The following MOB3B variants were observed in gnomAD, a reference collection of about 807,000 sequenced individuals.
MOB3B encodes MOB kinase activator-like 2B.
Under a neutral mutation model 18.7 loss-of-function variants are expected in MOB3B, and 7 were observed. The observed-to-expected ratio is 0.37, with a 90% CI of 0.21 to 0.70. The LOEUF (loss-of-function observed/expected upper bound fraction) is 0.70. Among genes scored for constraint, MOB3B ranks in the 30% least tolerant of loss-of-function variants. The pLI is 0.52. For missense variants in MOB3B, 253 were observed against 281.3 expected (o/e 0.90, Z 0.72); for synonymous variants, 111 against 99.9 (o/e 1.11, Z -0.66).
chr9:27,440,590 G>A (rs1822579270), intron 2 of MOB3B, among the ~76,000 whole-genome samples: 1 of 152,080 alleles, frequency 6.6e-6, no homozygotes, highest in African/African-American at 2.4e-5. Flanking sequence ...ACTCTCTAAT[G>A]TATGGCACAA....
intron 1 of MOB3B, among the ~76,000 whole-genome samples, chr9:27,511,313 C>T (rs894152165): frequency 2.0e-5 from 3 of 151,934 alleles, no homozygotes; most frequent in South Asian, 4.2e-4. Context: ...GCCTTTAGTT[C>T]GGTGTGAACT....
intron 1 of MOB3B, among the ~76,000 whole-genome samples, chr9:27,522,420 CATATAT>C (rs66472709): frequency 0.099 from 14,021 of 141,282 alleles, 859 homozygotes; most frequent in Non-Finnish European, 0.13. Flanking sequence ...GACATTTTTT[CATATAT>C]ATATATATAT....
chr9:27,341,219 G>C (rs1820936359), intron 3 of MOB3B, among the ~76,000 whole-genome samples: 1 of 152,188 alleles, frequency 6.6e-6, no homozygotes, highest in Non-Finnish European at 1.5e-5. Flanking sequence ...AAGCTTAATG[G>C]GGGCAACTCT....
intron 3 of MOB3B, among the ~76,000 whole-genome samples, chr9:27,341,533 T>C (rs1005581665): frequency 6.6e-6 from 1 of 152,230 alleles, no homozygotes; most frequent in Non-Finnish European, 1.5e-5. Flanking sequence ...GTTATTTTGA[T>C]GGAGTAAATA....
chr9:27,365,340 T>C (rs1219722504), intron 2 of MOB3B, among the ~76,000 whole-genome samples: 1 of 150,198 alleles, frequency 6.7e-6, no homozygotes, highest in African/African-American at 2.4e-5. Context: ...ACTTTCTTTT[T>C]ATCATTGAAA....
chr9:27,418,438 A>G (rs1229471706), intron 2 of MOB3B, among the ~76,000 whole-genome samples: 1 of 152,190 alleles, frequency 6.6e-6, no homozygotes, highest in Admixed American at 6.5e-5. Flanking sequence ...AATCCTTAAA[A>G]AAAATACTAG....
At chr9:27,476,508 G>A (rs995768314) in intron 1 of MOB3B, among the ~76,000 whole-genome samples, 1 of 152,082 alleles carries the variant, frequency 6.6e-6, no homozygotes, top group Non-Finnish European at 1.5e-5. Flanking sequence ...TAGATTAGAG[G>A]CCCACCCGAC....
intron 2 of MOB3B, among the ~76,000 whole-genome samples, chr9:27,383,151 C>T (rs992762765): frequency 6.6e-5 from 10 of 151,896 alleles, no homozygotes; most frequent in Admixed American, 6.6e-4. Context: ...ATGTTCACAC[C>T]CTGCTTGCAC....
intron 1 of MOB3B, among the ~76,000 whole-genome samples, chr9:27,491,016 G>C (rs1374411164): frequency 1.3e-5 from 2 of 151,276 alleles, no homozygotes; most frequent in Non-Finnish European, 2.9e-5. Flanking sequence ...AGGATACCAG[G>C]ACAGAGGAAG....
intron 2 of MOB3B, among the ~76,000 whole-genome samples, chr9:27,377,588 TG>T (rs1188716963): frequency 3.9e-5 from 6 of 152,068 alleles, no homozygotes; most frequent in African/African-American, 1.4e-4. Context: ...AGAGTTTCAG[TG>T]AGTCTGGGGA....
At chr9:27,358,070 A>G (rs2131355315) in intron 3 of MOB3B, among the ~76,000 whole-genome samples, 1 of 152,164 alleles carries the variant, frequency 6.6e-6, no homozygotes, top group African/African-American at 2.4e-5. Flanking sequence ...TCTCAAAGAA[A>G]AAATAAAAAT....
intron 2 of MOB3B, among the ~76,000 whole-genome samples, chr9:27,449,709 T>C (rs1822751284): frequency 6.6e-6 from 1 of 152,106 alleles, no homozygotes; most frequent in Non-Finnish European, 1.5e-5. Flanking sequence ...GAGATGTCGC[T>C]CATTATCTGT....
intron 2 of MOB3B, among the ~76,000 whole-genome samples, chr9:27,385,179 C>T (rs758248219): frequency 4.6e-5 from 7 of 152,262 alleles, no homozygotes; most frequent in Non-Finnish European, 7.4e-5. Flanking sequence ...TGTTTTCTTG[C>T]GGAATTTCCT....
At chr9:27,500,785 A>G (rs577993594) in intron 1 of MOB3B, among the ~76,000 whole-genome samples, 3 of 152,360 alleles carry the variant, frequency 2.0e-5, no homozygotes, top group African/African-American at 7.2e-5. Flanking sequence ...GCACAGCAAA[A>G]GAAACTACCA....
intron 2 of MOB3B, among the ~76,000 whole-genome samples, chr9:27,415,826 A>T (rs1435819776): frequency 2.6e-5 from 4 of 152,198 alleles, no homozygotes; most frequent in Non-Finnish European, 5.9e-5. Context: ...GTTGCTGAGG[A>T]AAATAAAATT....
At chr9:27,388,596 C>T (rs990456452) in intron 2 of MOB3B, among the ~76,000 whole-genome samples, 2 of 152,096 alleles carry the variant, frequency 1.3e-5, no homozygotes, top group African/African-American at 2.4e-5. Context: ...AAGGTGTGGT[C>T]TTTTATACCT....
At chr9:27,527,905 C>A (rs1820460552) in intron 1 of MOB3B, among the ~76,000 whole-genome samples, 1 of 152,230 alleles carries the variant, frequency 6.6e-6, no homozygotes, top group African/African-American at 2.4e-5. Context: ...AAGCATCTGA[C>A]TTGTGCAGGG....
intron 1 of MOB3B, among the ~76,000 whole-genome samples, chr9:27,499,061 T>G (rs917878134): frequency 4.6e-5 from 7 of 152,198 alleles, no homozygotes; most frequent in African/African-American, 1.7e-4. Context: ...AACCATGAAT[T>G]TAAATTCTAA....
At chr9:27,390,988 G>A (rs1420327719) in intron 2 of MOB3B, among the ~76,000 whole-genome samples, 1 of 152,184 alleles carries the variant, frequency 6.6e-6, no homozygotes. Context: ...AGCCTCCAGA[G>A]CTGTGAGAAA....
Sources: allele counts gnomAD v4.1 joint callset (sites outside exome capture counted in the v4.1 genomes callset), GRCh38; gene constraint gnomAD v4.1.1; transcripts MANE v1.5; gene names NCBI Gene and HGNC (gene_info 2026-07-23, HGNC 2026-07-21).